Variants in EYS observed in about 807,000 individuals in gnomAD.
The protein encoded by EYS is protein eyes shut homolog.
In EYS, 250 loss-of-function variants were observed where a neutral mutation model predicts 282.1. The observed-to-expected ratio is 0.89, with a 90% CI of 0.80 to 0.98. The LOEUF is 0.98. Ranked by LOEUF, EYS falls within the 50% of genes least tolerant of loss-of-function variation. The probability of loss-of-function intolerance (pLI) is 0.00; values close to 1 mark genes in which losing one functional copy is unlikely to be tolerated. For missense variants in EYS, 4,016 were observed against 3,709.0 expected, an observed-to-expected ratio of 1.08 and a Z score of -2.15; for synonymous variants, 1,355 against 1,282.9, an observed-to-expected ratio of 1.06 and a Z score of -1.20.
intron 31 of EYS, among the ~76,000 whole-genome samples, chr6:64,178,059 T>A (rs774745897): frequency 2.6e-4 from 39 of 152,126 alleles, no homozygotes; most frequent in Non-Finnish European, 5.0e-4. Flanking sequence ...TCCCTAGGTT[T>A]GTTTTTTTCT....
chr6:64,920,500 T>C (rs1216284603), intron 15 of EYS, among the ~76,000 whole-genome samples: 3 of 152,262 alleles, frequency 2.0e-5, no homozygotes, highest in South Asian at 2.1e-4. Flanking sequence ...TTCTGGCTCC[T>C]GTTTTTTTCC....
chr6:64,764,922 A>G (rs1773275511), intron 22 of EYS, among the ~76,000 whole-genome samples: 1 of 152,140 alleles, frequency 6.6e-6, no homozygotes, highest in East Asian at 1.9e-4. Flanking sequence ...ATTTTAATAG[A>G]GATATGGTAT....
chr6:63,784,573 A>G (rs532719815), intron 39 of EYS, among the ~76,000 whole-genome samples: 224 of 152,208 alleles, frequency 1.5e-3, no homozygotes, highest in African/African-American at 4.7e-3. Context: ...GGAAGGAGGT[A>G]TGTCTTACAT....
intron 22 of EYS, among the ~76,000 whole-genome samples, chr6:64,812,773 G>T (rs527490089): frequency 3.3e-5 from 4 of 120,102 alleles, no homozygotes; most frequent in Non-Finnish European, 7.7e-5. Flanking sequence ...ACCTGGGTTC[G>T]GTTATTATTT....
Position 65,200,264 on chromosome 6 carries a change from A to G in EYS, c.2023+95599T>C, listed in dbSNP as rs1012553126. Among the ~76,000 whole-genome samples the G allele has an allele frequency of 2.0e-4, 30 of 148,872 alleles. 2 individuals carry two copies. Among genetic ancestry groups the G allele is most frequent in the African/African-American group, 7.7e-4 (30 of 38,722 alleles). ...AATTCTATTTGATGAGGGAGTAGTG[A>G]TAAGGCAAGAAAAGTTCTGTTTTGA... On this transcript the variant is annotated intron_variant, in intron 12 of 42. Transcript: ENST00000503581.
intron 22 of EYS, among the ~76,000 whole-genome samples, chr6:64,790,140 A>G (rs1399131403): frequency 6.6e-6 from 1 of 152,014 alleles, no homozygotes; most frequent in Admixed American, 6.6e-5. Context: ...TTGCTTTTGT[A>G]AGTAAAAACA....
chr6:64,688,290 T>C (rs1323984534), intron 22 of EYS, among the ~76,000 whole-genome samples: 2 of 152,172 alleles, frequency 1.3e-5, no homozygotes, highest in Non-Finnish European at 2.9e-5. Context: ...TTGCTCTTGC[T>C]TATCTAGTTC....
chr6:64,462,942 ATTTTTT>A (rs58373990), intron 26 of EYS, among the ~76,000 whole-genome samples: 1 of 105,926 alleles, frequency 9.4e-6, no homozygotes, highest in African/African-American at 3.5e-5. Flanking sequence ...CTCAGCTTTA[ATTTTTT>A]TTTTTTTTTT....
intron 19 of EYS, among the ~76,000 whole-genome samples, chr6:64,825,921 AT>A (rs1356828488): frequency 1.4e-4 from 21 of 151,738 alleles, no homozygotes; most frequent in African/African-American, 4.8e-4. Flanking sequence ...ATATATATAT[AT>A]AAATACATAT....
At chr6:64,079,590 T>C (rs1339568260) in intron 32 of EYS, among the ~76,000 whole-genome samples, 4 of 152,162 alleles carry the variant, frequency 2.6e-5, no homozygotes, top group African/African-American at 9.7e-5. Context: ...TATTTTATTA[T>C]ACCTTAAGTT....
At chr6:64,513,332 A>G (rs897129648) in intron 26 of EYS, among the ~76,000 whole-genome samples, 2 of 151,950 alleles carry the variant, frequency 1.3e-5, no homozygotes, top group African/African-American at 4.8e-5. Flanking sequence ...TCTTTTATCA[A>G]AAAACCCTGT....
At chr6:65,007,257 G>A (rs1377051300) in intron 13 of EYS, among the ~76,000 whole-genome samples, 2 of 152,174 alleles carry the variant, frequency 1.3e-5, no homozygotes, top group African/African-American at 4.8e-5. Context: ...AAAATGACTA[G>A]GGGTGCTGGC....
chr6:64,917,717 A>T (rs1768209641), intron 15 of EYS, among the ~76,000 whole-genome samples: 1 of 151,910 alleles, frequency 6.6e-6, no homozygotes, highest in African/African-American at 2.4e-5. Flanking sequence ...AAAGATAACT[A>T]TGTGAAGTAA....
intron 22 of EYS, among the ~76,000 whole-genome samples, chr6:64,682,918 C>A (rs571263823): frequency 1.3e-5 from 2 of 152,282 alleles, no homozygotes; most frequent in African/African-American, 4.8e-5. Flanking sequence ...TGCTTCCTGA[C>A]CCATATGGAT....
intron 29 of EYS, among the ~76,000 whole-genome samples, chr6:64,373,885 G>A (rs755192082): frequency 2.6e-5 from 4 of 152,112 alleles, no homozygotes; most frequent in South Asian, 2.1e-4. Context: ...AATAGAAGCC[G>A]TGCTCTCCAG....
At chr6:64,479,785 T>C (rs912688331) in intron 26 of EYS, among the ~76,000 whole-genome samples, 1 of 151,960 alleles carries the variant, frequency 6.6e-6, no homozygotes, top group Non-Finnish European at 1.5e-5. Flanking sequence ...TAGGTTAAAC[T>C]GGAGTAGCAA....
chr6:65,019,470 T>C (rs769531330), intron 13 of EYS, among the ~76,000 whole-genome samples: 2 of 152,168 alleles, frequency 1.3e-5, no homozygotes, highest in Non-Finnish European at 2.9e-5. Context: ...AGACACGTGA[T>C]CTTAGGCATA....
chr6:65,240,693 A>G (rs1284176152), intron 12 of EYS, among the ~76,000 whole-genome samples: 1 of 152,160 alleles, frequency 6.6e-6, no homozygotes, highest in East Asian at 1.9e-4. Context: ...ATTAATGGGT[A>G]TCTAGGTTGA....
chr6:65,471,229 CAAA>C (rs527251318), intron 5 of EYS, among the ~76,000 whole-genome samples: 22 of 96,718 alleles, frequency 2.3e-4, no homozygotes, highest in East Asian at 6.8e-4. Context: ...CTCATCTTTA[CAAA>C]AAAAAAAAAA....
Sources: gnomAD v4.1 joint callset for allele counts (sites outside exome capture counted in the v4.1 genomes callset) on GRCh38, gnomAD v4.1.1 for gene constraint, MANE v1.5 for transcripts, NCBI Gene and HGNC (gene_info 2026-07-23, HGNC 2026-07-21) for gene names.